SUPT5H: variants seen among roughly 807,000 people sequenced by gnomAD.
The protein encoded by SUPT5H is SPT5 homolog, DSIF elongation factor subunit.
A neutral mutation model predicts 142.5 loss-of-function variants in SUPT5H; 24 were observed. The ratio of observed to expected loss-of-function variants is 0.17; its 90% confidence interval spans 0.12 to 0.24. The LOEUF (loss-of-function observed/expected upper bound fraction) is 0.24. Among genes scored for constraint, SUPT5H ranks in the 10% least tolerant of loss-of-function variants. The probability of loss-of-function intolerance (pLI) is 1.00; values close to 1 mark genes in which losing one functional copy is unlikely to be tolerated. For synonymous variants in SUPT5H, 546 were observed against 553.0 expected (o/e 0.99, Z 0.18); for missense variants, 893 against 1,471.8 (o/e 0.61, Z 6.43).
rs530284965 is a variant in SUPT5H, at chr19:39,469,035, C to T, written c.1144-44C>T. 212 of 1,611,334 alleles carry T rather than the reference C, an allele frequency of 1.3e-4. 1 individual carries two copies. The South Asian group carries it at 2.2e-3, about 17-fold the overall frequency. On this transcript the variant is annotated intron_variant, in intron 14 of 29. Coordinates refer to ENST00000432763, the MANE Select transcript of SUPT5H (RefSeq NM_001111020.3). This position sits in a 1 kb window ranked among gnomAD's most constrained non-coding sequence, Gnocchi z 5.1. ...CCACTCAGCTGGGCTGTTGCACTGA[C>T]CTCGGTCCATTTCCTTCTCTTCCCC...
rs1231780695 is a variant in SUPT5H, at chr19:39,473,904, C to G, written c.2493-59C>G. ...TGGGGGTCTGGTGTAGGGTGCTGTT[C>G]TGGAAGCATCCATCGCATTATCACC... is the stretch of plus-strand genomic sequence containing the variant. On this transcript the variant is annotated intron_variant, in intron 25 of 29. Transcript: ENST00000432763. This position sits in a 1 kb window ranked among gnomAD's most constrained non-coding sequence, Gnocchi z 5.8. 6 of 1,610,012 alleles carry G rather than the reference C, an allele frequency of 3.7e-6. No individual in the cohort carries two copies. The South Asian group carries it at 6.6e-5, about 18-fold the overall frequency.
chr19:39,458,910 G>A lies in SUPT5H; in HGVS notation c.389+23G>A, dbSNP rs758791126. ...GAGGTGGGCAAGGAAGGGAAACGTG[G>A]TGGGATTGGCTCCTGTGGGGAGATT... On this transcript the variant is annotated intron_variant, in intron 6 of 29. Transcript: ENST00000432763. This position sits in a 1 kb window ranked among gnomAD's most constrained non-coding sequence, Gnocchi z 4.2. The A allele has an allele frequency of 1.7e-5, 27 of 1,613,766 alleles. No homozygotes were observed. Among genetic ancestry groups the A allele is most frequent in the African/African-American group, 6.7e-5 (5 of 74,912 alleles).
intron 10 of SUPT5H, among the ~76,000 whole-genome samples, chr19:39,464,288 G>A (rs1282348487): frequency 6.6e-6 from 1 of 152,084 alleles, no homozygotes; most frequent in East Asian, 1.9e-4. Flanking sequence ...CCCGGCTCTA[G>A]TTGCTTTTTT....
chr19:39,461,212 T>C (rs8111775), intron 10 of SUPT5H, among the ~76,000 whole-genome samples: 24,588 of 151,114 alleles, frequency 0.16, 2,060 homozygotes, highest in Non-Finnish European at 0.18. Context: ...ATCACTTGAA[T>C]CTAGGAGGCA....
chr19:39,451,124 T>C (rs982748106), intron 2 of SUPT5H, among the ~76,000 whole-genome samples: 3 of 151,884 alleles, frequency 2.0e-5, no homozygotes, highest in Non-Finnish European at 4.4e-5. Flanking sequence ...TAATATTTGC[T>C]GTGGAGCGTT....
intron 3 of SUPT5H, among the ~76,000 whole-genome samples, chr19:39,457,278 T>C (rs2079102898): frequency 6.6e-6 from 1 of 152,234 alleles, no homozygotes; most frequent in African/African-American, 2.4e-5. Flanking sequence ...GTGTATAGTA[T>C]GCTCTCAGCA....
chr19:39,473,373 TA>T lies in SUPT5H; in HGVS notation c.2387-42del. ...ACAGGGAAGAGGGGCTAGGGGGACCTAGAGAAGGGACAGGACAGACACACTC... is the reference window on the plus strand; with the variant it reads ...ACAGGGAAGAGGGGCTAGGGGGACCTGAGAAGGGACAGGACAGACACACTC... On this transcript the variant is annotated intron_variant, in intron 24 of 29. Coordinates refer to ENST00000432763, the MANE Select transcript of SUPT5H (RefSeq NM_001111020.3). This position sits in a 1 kb window ranked among gnomAD's most constrained non-coding sequence, Gnocchi z 5.8. 6.2e-7 allele frequency: 1 copy of T among 1,613,240 alleles called. No homozygotes were observed. Among genetic ancestry groups the T allele is most frequent in the Non-Finnish European group, 8.5e-7 (1 of 1,179,820 alleles).
In SUPT5H at chr19:39,466,653, C is replaced by T. The variant is rs1265087548; in HGVS notation, c.967-22C>T. On this transcript the variant is annotated intron_variant, in intron 12 of 29. Transcript: ENST00000432763. This position sits in a 1 kb window ranked among gnomAD's most constrained non-coding sequence, Gnocchi z 4.3. ...CAAGCCCCCTCCCTCACCCTTCCCA[C>T]CCATGCCCCTTTCCTCCATAGAAAG... 2 of 1,613,764 alleles carry T rather than the reference C, an allele frequency of 1.2e-6. No homozygotes were observed. Among genetic ancestry groups the T allele is most frequent in the African/African-American group, 2.7e-5 (2 of 74,914 alleles).
chr19:39,472,711 C>G lies in SUPT5H; in HGVS notation c.2036-99C>G. ...GGGTGGGCAGAGGAGGCTCTTAACC[C>G]AAGTAGGGAGGAGTCAAGCAAGTGA... On this transcript the variant is annotated intron_variant, in intron 21 of 29. Coordinates refer to ENST00000432763, the MANE Select transcript of SUPT5H (RefSeq NM_001111020.3). The surrounding 1 kb of genome is among the most constrained non-coding windows in gnomAD (Gnocchi z 4.2). 1 of 1,499,708 alleles carries G rather than the reference C, an allele frequency of 6.7e-7. No homozygotes were observed. 92.9% of individuals were successfully genotyped at this position (1,499,708 alleles called of 1,614,324 possible).
chr19:39,471,725 T>G lies in SUPT5H; in HGVS notation c.1945T>G (p.Ser649Ala). 1 of 1,613,640 alleles carries G rather than the reference T, an allele frequency of 6.2e-7. No individual in the cohort carries two copies. The highest frequency in any genetic ancestry group is 1.3e-5 in the African/African-American group (1 of 75,002). Residue 649 changes from serine to alanine, a missense_variant, in exon 20 of 30, where the codon TCA becomes GCA. Around this residue, in one of 6 missense-constraint regions of SUPT5H, gnomAD observed 428 missense variants for 763.5 expected, o/e 0.56. Transcript: ENST00000432763. Reference sequence around the variant, plus strand: ...CCGCCACCTGGTGCTGGCTGGGGGCTCAAAGGTGAGGTGGGCATGGCAGGA... The same window carrying G: ...CCGCCACCTGGTGCTGGCTGGGGGCGCAAAGGTGAGGTGGGCATGGCAGGA... ...KTRHLVLAGG[S>A]KPRDVTNFTV...
chr19:39,470,532 G>A lies in SUPT5H; in HGVS notation c.1677+9G>A, dbSNP rs2146121171. ...AACGGGAGACCTTCCAGGTGTGTGT[G>A]TTGTGCTCTGTGGCGGGGACTTGCT... On this transcript the variant is annotated intron_variant, in intron 18 of 29. Transcript: ENST00000432763. This position sits in a 1 kb window ranked among gnomAD's most constrained non-coding sequence, Gnocchi z 5.8. 6.5e-7 allele frequency: 1 copy of A among 1,528,790 alleles called. No individual in the cohort carries two copies. The highest frequency in any genetic ancestry group is 8.8e-7 in the Non-Finnish European group (1 of 1,134,236). 94.7% of individuals were successfully genotyped at this position (1,528,790 alleles called of 1,614,324 possible).
chr19:39,463,692 G>A (rs1176065574), intron 10 of SUPT5H, among the ~76,000 whole-genome samples: 1 of 152,210 alleles, frequency 6.6e-6, no homozygotes, highest in African/African-American at 2.4e-5. Flanking sequence ...TGTTGCTCAA[G>A]TGTTCTCTTT....
intron 19 of SUPT5H, 25 bp from the exon 20 acceptor site, chr19:39,471,580 G>T: frequency 6.2e-7 from 1 of 1,614,152 alleles, no homozygotes; most frequent in East Asian, 2.2e-5. Flanking sequence ...ATGGTCAAGA[G>T]AGTGACCCTT....
At chr19:39,465,834 C>T (rs2079227895) in intron 11 of SUPT5H, among the ~76,000 whole-genome samples, 1 of 152,152 alleles carries the variant, frequency 6.6e-6, no homozygotes, top group South Asian at 2.1e-4. Flanking sequence ...GGACCAAGAC[C>T]CTAATACACG....
intron 3 of SUPT5H, among the ~76,000 whole-genome samples, chr19:39,456,670 G>A (rs1011162792): frequency 2.0e-5 from 3 of 151,838 alleles, no homozygotes; most frequent in Non-Finnish European, 2.9e-5. Context: ...CACCCGCCTC[G>A]GCCTCCCAAA....
chr19:39,460,670 A>G (rs6508863), intron 10 of SUPT5H, among the ~76,000 whole-genome samples: 93,174 of 151,664 alleles, frequency 0.61, 29,750 homozygotes, highest in African/African-American at 0.8. Flanking sequence ...AGGAGGCAGA[A>G]GTTGCGGTGA....
intron 11 of SUPT5H, among the ~76,000 whole-genome samples, chr19:39,465,543 A>G (rs2079223847): frequency 6.6e-6 from 1 of 152,234 alleles, no homozygotes; most frequent in African/African-American, 2.4e-5. Flanking sequence ...TCCCCAGGGG[A>G]CATTTGGTAA....
rs573667986 is a variant in SUPT5H, at chr19:39,455,002, G to A, written c.241+1481G>A. Among the ~76,000 whole-genome samples, 3 of 152,300 alleles carry A rather than the reference G, an allele frequency of 2.0e-5. No homozygotes were observed. The East Asian group carries it at 5.8e-4, about 29-fold the overall frequency. On this transcript the variant is annotated intron_variant, in intron 3 of 29. Transcript: ENST00000432763. ...GGCAGTGCCTGTTAGCATTTAACAT[G>A]CAGGAACCCTTTGACCAAGCAGTTC... is the stretch of plus-strand genomic sequence containing the variant.
chr19:39,458,188 T>C lies in SUPT5H; in HGVS notation c.308-106T>C. 14 of 1,522,210 alleles carry C rather than the reference T, an allele frequency of 9.2e-6. No individual in the cohort carries two copies. Among genetic ancestry groups the C allele is most frequent in the Non-Finnish European group, 1.2e-5 (14 of 1,138,274 alleles). 94.3% of individuals were successfully genotyped at this position (1,522,210 alleles called of 1,614,324 possible). ...CCTTCCCCTCCCCCAACCCATTGGT[T>C]GATTTTGCTGCTATAATTTGGCTCA... On this transcript the variant is annotated intron_variant, in intron 4 of 29. Coordinates refer to ENST00000432763, the MANE Select transcript of SUPT5H (RefSeq NM_001111020.3). The surrounding 1 kb of genome is among the most constrained non-coding windows in gnomAD (Gnocchi z 4.2).
Sources: gnomAD v4.1 joint callset for allele counts (sites outside exome capture counted in the v4.1 genomes callset) on GRCh38, gnomAD v4.1.1 for gene constraint, gnomAD v4.1.1 regional missense constraint, Gnocchi (gnomAD v3.1) non-coding constraint, MANE v1.5 for transcripts, NCBI Gene and HGNC (gene_info 2026-07-23, HGNC 2026-07-21) for gene names.